Variants in FCGR2A observed in about 807,000 individuals in gnomAD.
FCGR2A encodes the protein Fc gamma receptor IIa.
In FCGR2A, 18 loss-of-function variants were observed where a neutral mutation model predicts 29.3. The observed-to-expected ratio is 0.62, with a 90% confidence interval of 0.43 to 0.91. The LOEUF (loss-of-function observed/expected upper bound fraction) is 0.91. Among genes scored for constraint, FCGR2A ranks in the 40% least tolerant of loss-of-function variants. The pLI is 0.00. For synonymous variants in FCGR2A, 126 were observed against 144.8 expected (o/e 0.87, Z 0.93); for missense variants, 287 against 393.0 (o/e 0.73, Z 2.28).
downstream of FCGR2A, chr1:161,523,914 A>G (rs532166034): frequency 5.9e-5 from 9 of 152,202 alleles, no homozygotes; most frequent in Non-Finnish European, 1.3e-4. Context: ...TGAACCACCA[A>G]TGCTACTGTC....
At chr1:161,508,261 C>G (rs1458315565) in intron 3 of FCGR2A, among the ~76,000 whole-genome samples, 8 of 151,796 alleles carry the variant, frequency 5.3e-5, no homozygotes, top group African/African-American at 1.9e-4. Flanking sequence ...TATGCCATCT[C>G]AGTAATGGTA....
At chr1:161,513,771 A>T in intron 5 of FCGR2A, 124 bp from the exon 6 acceptor site, 1 of 1,402,978 alleles carries the variant, frequency 7.1e-7, no homozygotes, top group Non-Finnish European at 1.0e-6. Context: ...GCCTTACAGG[A>T]CTGTGTCAAG....
chr1:161,509,660 C>T (rs896578264), intron 3 of FCGR2A, among the ~76,000 whole-genome samples, 160 bp from the exon 4 acceptor site: 2 of 152,138 alleles, frequency 1.3e-5, no homozygotes, highest in African/African-American at 4.8e-5. Context: ...GATATAATAC[C>T]ATATATTGCC....
At position 161,506,156 on chromosome 1, in the gene FCGR2A, T is replaced by G. The variant is rs1485019074; in HGVS notation, c.106+149T>G. The stretch of plus-strand genomic sequence containing the variant: ...GCAGTTCCCCCATTTTAGTGGGGTC[T>G]GGGATTTGCTTCTTAGATCCACTGA... On this transcript the variant is annotated intron_variant, in intron 2 of 6. Transcript: ENST00000271450. 5.6e-6 allele frequency: 7 copies of G among 1,246,888 alleles called. No homozygotes were observed. The African/African-American group carries it at 8.9e-5, about 16-fold the overall frequency. 77.2% of individuals were successfully genotyped at this position (1,246,888 alleles called of 1,614,324 possible).
Position 161,510,690 on chromosome 1 carries a change from T to C in FCGR2A, c.620-144T>C. ...GGCTGGGGATGTGGTGAATCTTGCA[T>C]TGGTGAGTGACTCAGACACAGAAGA... On this transcript the variant is annotated intron_variant, in intron 4 of 6. Coordinates refer to ENST00000271450, the MANE Select transcript of FCGR2A (RefSeq NM_001136219.3). 1.0e-5 allele frequency: 11 copies of C among 1,092,932 alleles called. 1 individual carries two copies. Among genetic ancestry groups the C allele is most frequent in the East Asian group, 5.0e-5 (2 of 40,244 alleles). 67.7% of individuals were successfully genotyped at this position (1,092,932 alleles called of 1,614,324 possible).
At chr1:161,510,214 C>A in intron 4 of FCGR2A, 140 bp downstream of exon 4, 1 of 1,462,650 alleles carries the variant, frequency 6.8e-7, no homozygotes, top group Non-Finnish European at 9.2e-7. Context: ...GGGGTGGAAG[C>A]CTGGCTAAGT....
At position 161,516,318 on chromosome 1, in the gene FCGR2A, A is replaced by T. The variant is rs1343892844; in HGVS notation, c.781-1657A>T. Among the ~76,000 whole-genome samples the T allele has an allele frequency of 2.0e-5, 3 of 152,080 alleles. 1 individual carries two copies. Among genetic ancestry groups the T allele is most frequent in the African/African-American group, 4.8e-5 (2 of 41,420 alleles). On this transcript the variant is annotated intron_variant, in intron 6 of 6. Coordinates refer to ENST00000271450, the MANE Select transcript of FCGR2A (RefSeq NM_001136219.3). Reference sequence around the variant, plus strand: ...TCTACCTGATTGTTTCAGAATTTGGAAACTCTTATTAAGTATTTTTATTTT... The same window carrying T: ...TCTACCTGATTGTTTCAGAATTTGGTAACTCTTATTAAGTATTTTTATTTT...
intron 3 of FCGR2A, 59 bp downstream of exon 3, chr1:161,506,650 TACAG>T (rs1557828705): frequency 6.2e-7 from 1 of 1,606,212 alleles, no homozygotes; most frequent in Admixed American, 1.7e-5. Context: ...GAAATCTGTT[TACAG>T]ACAGAGGTTT....
intron 5 of FCGR2A, among the ~76,000 whole-genome samples, chr1:161,511,333 T>A (rs1236047133): frequency 2.0e-5 from 3 of 150,832 alleles, no homozygotes; most frequent in Non-Finnish European, 4.4e-5. Flanking sequence ...GAGGGGGGAG[T>A]AGATAGGGTA....
intron 5 of FCGR2A, chr1:161,513,598 A>C (rs1675954305): frequency 5.7e-6 from 3 of 527,852 alleles, no homozygotes; most frequent in Admixed American, 3.5e-5. Context: ...CCAGTATCTC[A>C]GATCCCCAAG....
intron 5 of FCGR2A, among the ~76,000 whole-genome samples, chr1:161,512,247 A>G (rs10918887): frequency 4.4e-4 from 65 of 146,852 alleles, no homozygotes; most frequent in African/African-American, 7.8e-4. Context: ...GAAACCCCTC[A>G]ATTTGCTGAG....
chr1:161,520,753 T>A (rs918430771), downstream of FCGR2A, among the ~76,000 whole-genome samples: 1 of 152,054 alleles, frequency 6.6e-6, no homozygotes, highest in Admixed American at 6.6e-5. Context: ...TAACAGCTAT[T>A]GTGATCTTTT....
intron 6 of FCGR2A, chr1:161,514,993 G>A (rs1197504576): frequency 2.0e-5 from 3 of 152,212 alleles, no homozygotes; most frequent in Non-Finnish European, 2.9e-5. Context: ...CAGAACCTGT[G>A]ACTTTCTAGA....
chr1:161,521,082 TCTC>T (rs1463108575), downstream of FCGR2A, among the ~76,000 whole-genome samples: 1 of 149,752 alleles, frequency 6.7e-6, no homozygotes. Context: ...ATCAGTGAGG[TCTC>T]CTTGATCATT....
chr1:161,509,727 C>T, intron 3 of FCGR2A, 93 bp from the exon 4 acceptor site: 3 of 1,493,128 alleles, frequency 2.0e-6, no homozygotes, highest in Non-Finnish European at 2.8e-6. Flanking sequence ...TGCCAGACAT[C>T]ATGTCAAGTT....
chr1:161,515,259 T>C (rs1676076014), intron 6 of FCGR2A, among the ~76,000 whole-genome samples: 1 of 152,256 alleles, frequency 6.6e-6, no homozygotes, highest in Non-Finnish European at 1.5e-5. Context: ...TCTAAACCTA[T>C]TAACCTCTTT....
At chr1:161,523,185 G>C (rs1255453261), downstream of FCGR2A, 1 of 152,124 alleles carries the variant, frequency 6.6e-6, no homozygotes, top group Non-Finnish European at 1.5e-5. Context: ...CCTGTCATGC[G>C]TGAGAGAGGG....
Position 161,506,528 on chromosome 1 carries a change from G to T in FCGR2A, c.301G>T (p.Glu101Ter), listed in dbSNP as rs967337251. ...CAAGGCCAACAACAATGACAGCGGGGAGTACACGTGCCAGACTGGCCAGAC... is the reference window on the plus strand; with the variant it reads ...CAAGGCCAACAACAATGACAGCGGGTAGTACACGTGCCAGACTGGCCAGAC... ...RFKANNNDSGEYTCQTGQTSL... is the reference protein window; with the variant it reads ...RFKANNNDSG The change falls in exon 3 of 7, where the codon GAG (glutamate) becomes TAG (stop). Residue 101 changes from glutamate to a stop codon, truncating the protein, a stop_gained. Transcript: ENST00000271450. LOFTEE classifies it high-confidence loss of function. The T allele has an allele frequency of 6.2e-7, 1 of 1,614,108 alleles. No individual in the cohort carries two copies. The highest frequency in any genetic ancestry group is 1.3e-5 in the African/African-American group (1 of 74,934).
chr1:161,505,518 G>A lies in FCGR2A; in HGVS notation c.51G>A (p.Trp17Ter). Reference protein sequence around the residue: ...MSQNVCPRNLWLLQPLTVLLL... With the variant: ...MSQNVCPRNL ...AGAATGTATGTCCCAGAAACCTGTG[G>A]CTGCTTCAACCATTGACAGTTTTGC... The change falls in exon 1 of 7, where the codon TGG becomes TGA. Residue 17 changes from tryptophan to a stop codon, truncating the protein, a stop_gained. Transcript: ENST00000271450. LOFTEE classifies it high-confidence loss of function. 6.2e-7 allele frequency: 1 copy of A among 1,614,206 alleles called. No individual in the cohort carries two copies. Among genetic ancestry groups the A allele is most frequent in the Non-Finnish European group, 8.5e-7 (1 of 1,180,032 alleles).
Sources: allele counts gnomAD v4.1 joint callset (sites outside exome capture counted in the v4.1 genomes callset), GRCh38; gene constraint gnomAD v4.1.1; transcripts MANE v1.5; gene names NCBI Gene and HGNC (gene_info 2026-07-23, HGNC 2026-07-21).